CFAP299: variants seen among roughly 807,000 people sequenced by gnomAD.
CFAP299 encodes the protein cilia- and flagella-associated protein 299.
Under a neutral mutation model 27.0 loss-of-function variants are expected in CFAP299, and 21 were observed. That is an observed-to-expected ratio of 0.78 (90% CI 0.55 to 1.12). The LOEUF is 1.12. Among genes scored for constraint, CFAP299 ranks in the 50% most tolerant of loss-of-function variants. CFAP299 has a pLI of 0.00. For synonymous variants in CFAP299, 104 were observed against 98.1 expected (o/e 1.06, Z -0.36); for missense variants, 310 against 276.6 (o/e 1.12, Z -0.86).
intron 3 of CFAP299, among the ~76,000 whole-genome samples, chr4:80,672,719 G>C (rs1741568658): frequency 1.3e-5 from 2 of 152,114 alleles, no homozygotes; most frequent in Admixed American, 6.6e-5. Context: ...ACTTCTTCCT[G>C]GTTTACTCTT....
intron 2 of CFAP299, among the ~76,000 whole-genome samples, chr4:80,548,248 G>A (rs1474910370): frequency 6.6e-6 from 1 of 152,128 alleles, no homozygotes; most frequent in African/African-American, 2.4e-5. Context: ...ATTAATAGCT[G>A]GAGGCCATTA....
chr4:80,799,599 T>A (rs1439840618), intron 3 of CFAP299, among the ~76,000 whole-genome samples: 5 of 53,422 alleles, frequency 9.4e-5, no homozygotes, highest in Non-Finnish European at 1.2e-4. Context: ...ATATAAAATA[T>A]ATATTTTATA....
intron 2 of CFAP299, among the ~76,000 whole-genome samples, chr4:80,485,578 G>A (rs964021675): frequency 1.3e-5 from 2 of 152,048 alleles, no homozygotes; most frequent in African/African-American, 4.8e-5. Flanking sequence ...ACCAATTTTG[G>A]TAGGTGTGTT....
chr4:80,869,998 G>T lies in CFAP299; in HGVS notation c.339G>T (p.Val113=). The T allele has an allele frequency of 6.2e-7, 1 of 1,610,168 alleles. No individual in the cohort carries two copies. The highest frequency in any genetic ancestry group is 1.1e-5 in the South Asian group (1 of 90,276). Residue 113 remains valine, a synonymous_variant, in exon 4 of 6, where the codon GTG becomes GTT. Transcript: ENST00000358105. ...TCTCTATTCTGTGCTACCAGTCCGT[G>T]ATCTTTATTCGTGACAGAAATTCTC... ...EDNRSGKLSS[V]IFIRDRNSHG... is the part of the protein sequence containing the mutation.
At chr4:80,463,514 A>G (rs954621661) in intron 2 of CFAP299, among the ~76,000 whole-genome samples, 1 of 152,196 alleles carries the variant, frequency 6.6e-6, no homozygotes, top group African/African-American at 2.4e-5. Flanking sequence ...CAGTCTGGGT[A>G]ACTTAAATAA....
intron 3 of CFAP299, among the ~76,000 whole-genome samples, chr4:80,672,481 T>C (rs1310994430): frequency 6.6e-6 from 1 of 152,198 alleles, no homozygotes; most frequent in Non-Finnish European, 1.5e-5. Context: ...TTGTTGTGTC[T>C]CTGTCAGGCT....
chr4:80,935,240 A>G (rs766345059), intron 4 of CFAP299, among the ~76,000 whole-genome samples: 3 of 152,032 alleles, frequency 2.0e-5, no homozygotes, highest in Non-Finnish European at 4.4e-5. Flanking sequence ...TGTACTTGGT[A>G]TAATTGCATC....
At chr4:80,399,935 C>G (rs1439391222) in intron 2 of CFAP299, among the ~76,000 whole-genome samples, 1 of 151,436 alleles carries the variant, frequency 6.6e-6, no homozygotes, top group Admixed American at 6.6e-5. Flanking sequence ...GCGTTTTTTG[C>G]TTTAAGAGGT....
chr4:80,636,655 G>A (rs1429127017), intron 3 of CFAP299, among the ~76,000 whole-genome samples: 1 of 152,166 alleles, frequency 6.6e-6, no homozygotes, highest in East Asian at 1.9e-4. Flanking sequence ...TTTATGACTT[G>A]TATAATACCT....
chr4:80,386,949 C>G, intron 2 of CFAP299: 1 of 897,402 alleles, frequency 1.1e-6, no homozygotes, highest in East Asian at 2.4e-5. Flanking sequence ...GTAATGCACC[C>G]GCCGGGAGGA....
intron 3 of CFAP299, among the ~76,000 whole-genome samples, chr4:80,680,205 T>C (rs1353462037): frequency 1.3e-5 from 2 of 152,122 alleles, no homozygotes; most frequent in Non-Finnish European, 2.9e-5. Flanking sequence ...AATTTAGACA[T>C]CTTTCCAAGA....
At chr4:80,555,952 A>G (rs141559103) in intron 2 of CFAP299, among the ~76,000 whole-genome samples, 3,079 of 152,220 alleles carry the variant, frequency 0.02, 50 homozygotes, top group Admixed American at 0.033. Context: ...AGTATACTCA[A>G]TGTACTTAAA....
At chr4:80,380,083 AT>A (rs1168352371) in intron 2 of CFAP299, among the ~76,000 whole-genome samples, 1 of 152,076 alleles carries the variant, frequency 6.6e-6, no homozygotes, top group African/African-American at 2.4e-5. Flanking sequence ...TGATATTCTG[AT>A]GCTAGATACA....
intron 5 of CFAP299, among the ~76,000 whole-genome samples, chr4:80,955,667 A>T (rs1738029644): frequency 6.6e-6 from 1 of 152,204 alleles, no homozygotes; most frequent in Admixed American, 6.5e-5. Context: ...ATTAGTGCAG[A>T]TGTTCAAGAT....
chr4:80,373,820 G>T (rs141610648), intron 2 of CFAP299, among the ~76,000 whole-genome samples: 100 of 152,222 alleles, frequency 6.6e-4, no homozygotes, highest in African/African-American at 2.2e-3. Context: ...TCTGCATTCA[G>T]CCCTGGAATG....
At chr4:80,417,148 A>G (rs1048407782) in intron 2 of CFAP299, among the ~76,000 whole-genome samples, 1 of 152,150 alleles carries the variant, frequency 6.6e-6, no homozygotes, top group Admixed American at 6.5e-5. Flanking sequence ...CTGTAAGGTA[A>G]CTTCCTGATG....
chr4:80,612,078 AT>A (rs34203264), intron 3 of CFAP299, among the ~76,000 whole-genome samples: 14,172 of 149,100 alleles, frequency 0.095, 742 homozygotes, highest in Middle Eastern at 0.21. Flanking sequence ...AGTATGTGCC[AT>A]TTTTTTTTTG....
intron 3 of CFAP299, among the ~76,000 whole-genome samples, chr4:80,674,117 C>T (rs543548596): frequency 5.9e-5 from 9 of 152,204 alleles, no homozygotes; most frequent in South Asian, 2.1e-4. Flanking sequence ...TTCCTAGCCT[C>T]GATGATCTTT....
At chr4:80,622,982 A>T (rs1738684208) in intron 3 of CFAP299, among the ~76,000 whole-genome samples, 1 of 152,212 alleles carries the variant, frequency 6.6e-6, no homozygotes, top group Non-Finnish European at 1.5e-5. Context: ...AGACCAAAGT[A>T]AGTGAGAGGA....
Sources: gnomAD v4.1 joint callset for allele counts (sites outside exome capture counted in the v4.1 genomes callset) on GRCh38, gnomAD v4.1.1 for gene constraint, MANE v1.5 for transcripts, NCBI Gene and HGNC (gene_info 2026-07-23, HGNC 2026-07-21) for gene names.